The following BNC2 variants were observed in gnomAD, a reference collection of about 807,000 sequenced individuals.
The protein encoded by BNC2 is zinc finger protein basonuclin-2.
A neutral mutation model predicts 76.3 loss-of-function variants in BNC2; 20 were observed. The observed-to-expected ratio is 0.26, with a 90% CI of 0.18 to 0.38. The LOEUF (loss-of-function observed/expected upper bound fraction) is 0.38. Ranked by LOEUF, BNC2 falls within the 10% of genes least tolerant of loss-of-function variation. The probability of loss-of-function intolerance (pLI) is 1.00; values close to 1 mark genes in which losing one functional copy is unlikely to be tolerated. For missense variants in BNC2, 1,382 were observed against 1,399.8 expected (o/e 0.99, Z 0.20); for synonymous variants, 582 against 514.8 (o/e 1.13, Z -1.77).
chr9:16,611,933 C>A (rs1315704366), intron 3 of BNC2, among the ~76,000 whole-genome samples: 1 of 152,020 alleles, frequency 6.6e-6, no homozygotes, highest in Non-Finnish European at 1.5e-5. Context: ...ATAAAAATAA[C>A]CTAGTCTCTT....
intron 6 of BNC2, among the ~76,000 whole-genome samples, chr9:16,428,666 C>T (rs1467732261): frequency 6.6e-6 from 1 of 151,430 alleles, no homozygotes; most frequent in Non-Finnish European, 1.5e-5. Context: ...AAACACTTGT[C>T]TTTTTTTTTC....
chr9:16,765,782 A>ATTTCT (rs1563932915), intron 1 of BNC2, among the ~76,000 whole-genome samples: 1 of 134,810 alleles, frequency 7.4e-6, no homozygotes. Context: ...CACTCTCGTA[A>ATTTCT]TTTTTTTTTT....
chr9:16,739,864 A>G (rs369556349), intron 1 of BNC2, among the ~76,000 whole-genome samples: 20 of 152,362 alleles, frequency 1.3e-4, no homozygotes, highest in African/African-American at 4.6e-4. Flanking sequence ...ATCAACAGAA[A>G]GGGGGATGAA....
At chr9:16,543,395 G>A (rs1050045602) in intron 5 of BNC2, among the ~76,000 whole-genome samples, 1 of 152,152 alleles carries the variant, frequency 6.6e-6, no homozygotes, top group African/African-American at 2.4e-5. Flanking sequence ...GTGCTGCTCA[G>A]GAGATCATAT....
chr9:16,666,064 A>G (rs113862243), intron 3 of BNC2, among the ~76,000 whole-genome samples: 1 of 152,320 alleles, frequency 6.6e-6, no homozygotes, highest in African/African-American at 2.4e-5. Flanking sequence ...AGTAATTTTA[A>G]TAACTACTTC....
intron 5 of BNC2, among the ~76,000 whole-genome samples, chr9:16,489,459 A>G (rs1033612372): frequency 6.6e-6 from 1 of 152,220 alleles, no homozygotes; most frequent in African/African-American, 2.4e-5. Flanking sequence ...AGAAATCTTT[A>G]AAAAGACAAA....
intron 3 of BNC2, among the ~76,000 whole-genome samples, chr9:16,651,478 C>T (rs1821792645): frequency 6.6e-6 from 1 of 152,040 alleles, no homozygotes; most frequent in Non-Finnish European, 1.5e-5. Flanking sequence ...GAAAACAATA[C>T]AGGGTTTGGG....
In BNC2 at chr9:16,536,981, A is replaced by G. The variant is rs531181725; in HGVS notation, c.669+15549T>C. Reference sequence around the variant, plus strand: ...ATCAAAACTAAATATTTGAAATGTTACTAACATATTAGCATCTATAAATCT... The same window carrying G: ...ATCAAAACTAAATATTTGAAATGTTGCTAACATATTAGCATCTATAAATCT... On this transcript the variant is annotated intron_variant, in intron 5 of 6. Coordinates refer to ENST00000380672, the MANE Select transcript of BNC2 (RefSeq NM_017637.6). 2.4e-4 allele frequency among the ~76,000 whole-genome samples: 37 copies of G among 152,296 alleles called. 1 individual carries two copies. In the South Asian group the frequency reaches 7.7e-3, roughly 32 times the overall value.
At chr9:16,438,011 A>C (rs565642401) in intron 5 of BNC2, among the ~76,000 whole-genome samples, 2 of 152,226 alleles carry the variant, frequency 1.3e-5, no homozygotes, top group African/African-American at 2.4e-5. Context: ...CACTGGATTC[A>C]ATGATGAAAA....
At chr9:16,760,054 T>A (rs976264339) in intron 1 of BNC2, among the ~76,000 whole-genome samples, 5 of 152,180 alleles carry the variant, frequency 3.3e-5, no homozygotes, top group Non-Finnish European at 7.3e-5. Flanking sequence ...CTAAGTATTT[T>A]CTGAATTTTA....
intron 4 of BNC2, among the ~76,000 whole-genome samples, chr9:16,580,887 T>G (rs766503011): frequency 5.3e-5 from 8 of 152,198 alleles, no homozygotes; most frequent in Non-Finnish European, 1.2e-4. Context: ...CTATTAATCC[T>G]ATTTTACAGG....
chr9:16,710,912 C>T (rs1007569093), intron 3 of BNC2, among the ~76,000 whole-genome samples: 11 of 152,320 alleles, frequency 7.2e-5, no homozygotes, highest in African/African-American at 2.6e-4. Flanking sequence ...TAAATTAACA[C>T]TTGACATTCA....
At chr9:16,603,965 A>G (rs1820311397) in intron 3 of BNC2, among the ~76,000 whole-genome samples, 1 of 152,112 alleles carries the variant, frequency 6.6e-6, no homozygotes, top group Non-Finnish European at 1.5e-5. Flanking sequence ...CTTTCCTCAA[A>G]TCAAAAAGAT....
chr9:16,858,821 G>A (rs1000247021), intron 1 of BNC2, among the ~76,000 whole-genome samples: 3 of 151,754 alleles, frequency 2.0e-5, no homozygotes, highest in Admixed American at 6.6e-5. Context: ...ACTCCAGCCT[G>A]GGCGAAAGAG....
At chr9:16,529,722 T>C (rs943384703) in intron 5 of BNC2, among the ~76,000 whole-genome samples, 2 of 152,192 alleles carry the variant, frequency 1.3e-5, no homozygotes, top group African/African-American at 2.4e-5. Context: ...AATAGACTGC[T>C]GTAGTTTCTA....
At chr9:16,520,193 T>G (rs1006219301) in intron 5 of BNC2, among the ~76,000 whole-genome samples, 2 of 151,788 alleles carry the variant, frequency 1.3e-5, no homozygotes, top group African/African-American at 4.8e-5. Flanking sequence ...CAGGCAAGAG[T>G]AAAACAATCA....
intron 3 of BNC2, among the ~76,000 whole-genome samples, chr9:16,686,634 T>A (rs1261134720): frequency 6.6e-6 from 1 of 152,194 alleles, no homozygotes; most frequent in Admixed American, 6.5e-5. Flanking sequence ...ATTAAGATCA[T>A]CTGTGCTAAT....
chr9:16,778,423 T>C (rs1176374567), intron 1 of BNC2, among the ~76,000 whole-genome samples: 1 of 152,104 alleles, frequency 6.6e-6, no homozygotes, highest in East Asian at 1.9e-4. Flanking sequence ...ACAATGATCA[T>C]AATATATATA....
chr9:16,628,519 G>A (rs900197701), intron 3 of BNC2, among the ~76,000 whole-genome samples: 5 of 152,164 alleles, frequency 3.3e-5, no homozygotes, highest in African/African-American at 1.2e-4. Flanking sequence ...GTAAAAGTGT[G>A]CGTATTTATG....
Sources: gnomAD v4.1 joint callset for allele counts (sites outside exome capture counted in the v4.1 genomes callset) on GRCh38, gnomAD v4.1.1 for gene constraint, MANE v1.5 for transcripts, NCBI Gene and HGNC (gene_info 2026-07-23, HGNC 2026-07-21) for gene names.